The following THRB variants were observed in gnomAD, a reference collection of about 807,000 sequenced individuals.
THRB encodes nuclear receptor subfamily 1 group A member 2.
Under a neutral mutation model 47.8 loss-of-function variants are expected in THRB, and 12 were observed. The ratio of observed to expected loss-of-function variants is 0.25; its 90% CI spans 0.16 to 0.41. The LOEUF (loss-of-function observed/expected upper bound fraction) is 0.41. Among genes scored for constraint, THRB ranks in the 10% least tolerant of loss-of-function variants. The pLI is 1.00. For missense variants in THRB, 348 were observed against 589.2 expected, an observed-to-expected ratio of 0.59 and a Z score of 4.24; for synonymous variants, 218 against 212.2, an observed-to-expected ratio of 1.03 and a Z score of -0.24.
At chr3:24,395,715 T>C (rs1376307577) in intron 1 of THRB, among the ~76,000 whole-genome samples, 1 of 152,092 alleles carries the variant, frequency 6.6e-6, no homozygotes, top group Non-Finnish European at 1.5e-5. Context: ...GTTTCTCCAA[T>C]AGTTAAACAT....
At chr3:24,344,134 T>C (rs1414273729) in intron 1 of THRB, among the ~76,000 whole-genome samples, 1 of 151,840 alleles carries the variant, frequency 6.6e-6, no homozygotes, top group Non-Finnish European at 1.5e-5. Context: ...TACTCTATTA[T>C]ACAATTATCA....
At chr3:24,415,153 G>T (rs2068636094) in intron 1 of THRB, among the ~76,000 whole-genome samples, 1 of 151,792 alleles carries the variant, frequency 6.6e-6, no homozygotes, top group African/African-American at 2.4e-5. Context: ...TTCAGGTTTG[G>T]TAAGCTCAGG....
intron 1 of THRB, among the ~76,000 whole-genome samples, chr3:24,346,474 T>TA (rs1217329119): frequency 2.0e-5 from 3 of 152,022 alleles, no homozygotes; most frequent in African/African-American, 7.2e-5. Context: ...AACCCAGATA[T>TA]ATCAGTAATT....
intron 3 of THRB, among the ~76,000 whole-genome samples, chr3:24,277,111 C>A (rs1248361661): frequency 6.6e-6 from 1 of 152,146 alleles, no homozygotes; most frequent in East Asian, 1.9e-4. Flanking sequence ...AGAAGAGATT[C>A]CTGTGTCAGG....
At chr3:24,139,946 T>C (rs1247894602) in intron 8 of THRB, among the ~76,000 whole-genome samples, 2 of 152,152 alleles carry the variant, frequency 1.3e-5, no homozygotes, top group East Asian at 3.9e-4. Context: ...CGTGGCAGTG[T>C]TGCAAGCACA....
At chr3:24,269,387 A>ACGCG (rs140133862) in intron 3 of THRB, among the ~76,000 whole-genome samples, 97 of 98,342 alleles carry the variant, frequency 9.9e-4, no homozygotes, top group African/African-American at 3.3e-3. Context: ...CATAGCTCAC[A>ACGCG]CGCGCGCGCG....
chr3:24,222,502 G>A (rs1235624249), intron 4 of THRB, among the ~76,000 whole-genome samples: 1 of 152,076 alleles, frequency 6.6e-6, no homozygotes, highest in Admixed American at 6.6e-5. Flanking sequence ...GACTCATCAG[G>A]GTTTTAGCCT....
intron 4 of THRB, among the ~76,000 whole-genome samples, chr3:24,203,720 C>G (rs192001716): frequency 6.6e-6 from 1 of 152,150 alleles, no homozygotes; most frequent in Non-Finnish European, 1.5e-5. Context: ...TCACCTCACC[C>G]GGGAAGCACA....
chr3:24,328,397 T>C (rs1291013680), intron 2 of THRB, among the ~76,000 whole-genome samples: 1 of 152,182 alleles, frequency 6.6e-6, no homozygotes, highest in Non-Finnish European at 1.5e-5. Context: ...CCATGAGCAT[T>C]TGACGCCTCC....
rs184845737 is a variant in THRB, at chr3:24,354,963, C to T, written c.-260-17592G>A. The stretch of plus-strand genomic sequence containing the variant: ...CCTCAAGGCAGAATGGATATTAAAA[C>T]TAGAGGTGAAAATTTAAGGAGGAAA... On this transcript the variant is annotated intron_variant, in intron 1 of 10. Coordinates refer to ENST00000646209, the MANE Select transcript of THRB (RefSeq NM_001354712.2). Among the ~76,000 whole-genome samples the T allele has an allele frequency of 2.2e-3, 335 of 152,210 alleles. 2 individuals carry two copies. Among genetic ancestry groups the T allele is most frequent in the African/African-American group, 7.8e-3 (324 of 41,560 alleles).
At chr3:24,270,105 G>A (rs1403247684) in intron 3 of THRB, among the ~76,000 whole-genome samples, 3 of 152,118 alleles carry the variant, frequency 2.0e-5, no homozygotes, top group Non-Finnish European at 4.4e-5. Context: ...AAACATAAAA[G>A]CTAAAAGATG....
chr3:24,320,975 A>G (rs1470936805), intron 2 of THRB, among the ~76,000 whole-genome samples: 2 of 152,244 alleles, frequency 1.3e-5, no homozygotes, highest in Non-Finnish European at 2.9e-5. Context: ...AGCAGAGCTC[A>G]TCTAAGCCAC....
intron 1 of THRB, among the ~76,000 whole-genome samples, chr3:24,453,956 A>G (rs2072923202): frequency 6.6e-6 from 1 of 152,160 alleles, no homozygotes; most frequent in Non-Finnish European, 1.5e-5. Flanking sequence ...CCTTTCCCCA[A>G]ACTAAAATAA....
chr3:24,147,596 T>C (rs988398301), intron 6 of THRB, among the ~76,000 whole-genome samples: 6 of 152,230 alleles, frequency 3.9e-5, no homozygotes, highest in Admixed American at 6.5e-5. Context: ...TGTTTAGTTC[T>C]AGGTTTGGGT....
chr3:24,404,466 A>G (rs147641001), intron 1 of THRB, among the ~76,000 whole-genome samples: 34 of 152,086 alleles, frequency 2.2e-4, no homozygotes, highest in African/African-American at 7.5e-4. Flanking sequence ...TTTTCTTCAC[A>G]TACTTCAACA....
At chr3:24,193,540 G>A (rs1164488435) in intron 4 of THRB, among the ~76,000 whole-genome samples, 1 of 152,158 alleles carries the variant, frequency 6.6e-6, no homozygotes, top group Non-Finnish European at 1.5e-5. Context: ...CATTCAAAAA[G>A]TCATCCATTG....
intron 5 of THRB, among the ~76,000 whole-genome samples, chr3:24,183,558 G>C (rs1452819118): frequency 6.6e-6 from 1 of 151,342 alleles, no homozygotes; most frequent in Non-Finnish European, 1.5e-5. Flanking sequence ...TTTTTGTAGA[G>C]ACAGGGTTTC....
At chr3:24,241,811 G>C (rs183516076) in intron 3 of THRB, among the ~76,000 whole-genome samples, 64 of 152,242 alleles carry the variant, frequency 4.2e-4, no homozygotes, top group Admixed American at 9.8e-4. Context: ...CTCTATCCCA[G>C]ACCTAATGAG....
chr3:24,197,065 C>A (rs1288382616), intron 4 of THRB, among the ~76,000 whole-genome samples: 1 of 152,320 alleles, frequency 6.6e-6, no homozygotes, highest in Non-Finnish European at 1.5e-5. Flanking sequence ...TAGTGGCTAG[C>A]ACAACATCTG....
Sources: gnomAD v4.1 joint callset for allele counts (sites outside exome capture counted in the v4.1 genomes callset) on GRCh38, gnomAD v4.1.1 for gene constraint, MANE v1.5 for transcripts, NCBI Gene and HGNC (gene_info 2026-07-23, HGNC 2026-07-21) for gene names.